GRIK1: variants seen among roughly 807,000 people sequenced by gnomAD.
The protein encoded by GRIK1 is glutamate ionotropic receptor kainate type subunit 1.
GRIK1 carries 69 observed loss-of-function variants against 105.7 expected under a neutral mutation model. That is an observed-to-expected ratio of 0.65 (90% confidence interval 0.54 to 0.80). The LOEUF is 0.80. GRIK1 is among the 30% of genes least tolerant of loss of function. The pLI is 0.00. For synonymous variants in GRIK1, 438 were observed against 431.3 expected, an observed-to-expected ratio of 1.02 and a Z score of -0.19; for missense variants, 1,109 against 1,167.3, an observed-to-expected ratio of 0.95 and a Z score of 0.73.
chr21:29,742,737 A>G (rs1190957416), intron 1 of GRIK1, among the ~76,000 whole-genome samples: 2 of 152,228 alleles, frequency 1.3e-5, no homozygotes, highest in Admixed American at 1.3e-4. Flanking sequence ...TAGTACTTGT[A>G]TGGTTTCATG....
At chr21:29,843,900 C>A (rs558697098) in intron 1 of GRIK1, among the ~76,000 whole-genome samples, 1 of 152,268 alleles carries the variant, frequency 6.6e-6, no homozygotes, top group South Asian at 2.1e-4. Flanking sequence ...CTGGTTCAGT[C>A]CCCACAGACT....
intron 7 of GRIK1, among the ~76,000 whole-genome samples, chr21:29,608,509 CT>C (rs1176095835): frequency 2.6e-5 from 4 of 152,196 alleles, no homozygotes; most frequent in South Asian, 2.1e-4. Flanking sequence ...TTTTGTGAAT[CT>C]TTTTTTCTGC....
chr21:29,676,729 G>A (rs558824061), intron 3 of GRIK1, among the ~76,000 whole-genome samples: 1 of 152,064 alleles, frequency 6.6e-6, no homozygotes, highest in Admixed American at 6.5e-5. Flanking sequence ...AGGCAAGAGA[G>A]AACCAGACAA....
chr21:29,831,167 A>G (rs563634619), intron 1 of GRIK1, among the ~76,000 whole-genome samples: 1 of 152,334 alleles, frequency 6.6e-6, no homozygotes, highest in Admixed American at 6.5e-5. Context: ...GCTAGAGACA[A>G]ATGTTTGTGC....
At chr21:29,635,936 A>G (rs1490293285) in intron 7 of GRIK1, among the ~76,000 whole-genome samples, 1 of 152,212 alleles carries the variant, frequency 6.6e-6, no homozygotes, top group African/African-American at 2.4e-5. Context: ...ACAGGAACTC[A>G]TAGAGTCAAA....
At chr21:29,629,497 C>T (rs13052077) in intron 7 of GRIK1, among the ~76,000 whole-genome samples, 74,972 of 147,814 alleles carry the variant, frequency 0.51, 21,346 homozygotes, top group African/African-American at 0.8. Context: ...TTCTTTCTTT[C>T]TTTTTTTTTT....
At chr21:29,632,590 A>G (rs1365168628) in intron 7 of GRIK1, among the ~76,000 whole-genome samples, 3 of 152,244 alleles carry the variant, frequency 2.0e-5, no homozygotes, top group Non-Finnish European at 2.9e-5. Flanking sequence ...GTATATATAT[A>G]TGTGTAAAAT....
At chr21:29,583,101 A>T (rs771364435) in intron 12 of GRIK1, among the ~76,000 whole-genome samples, 29 of 152,136 alleles carry the variant, frequency 1.9e-4, no homozygotes, top group Non-Finnish European at 3.7e-4. Context: ...CTCGTAGTTT[A>T]TGCCAGCATA....
intron 1 of GRIK1, among the ~76,000 whole-genome samples, chr21:29,836,586 A>T (rs547723672): frequency 5.3e-5 from 8 of 152,218 alleles, no homozygotes; most frequent in African/African-American, 1.9e-4. Flanking sequence ...CCTGTGAATT[A>T]TAAGTTTATA....
intron 1 of GRIK1, among the ~76,000 whole-genome samples, chr21:29,863,850 C>T (rs2832456): frequency 0.073 from 11,138 of 152,100 alleles, 420 homozygotes; most frequent in African/African-American, 0.11. Flanking sequence ...CACATTCTTC[C>T]CCTTCAGTCA....
intron 1 of GRIK1, among the ~76,000 whole-genome samples, chr21:29,739,079 C>T (rs2064864885): frequency 6.6e-6 from 1 of 152,018 alleles, no homozygotes. Flanking sequence ...CTAGTTGCTG[C>T]CTTCATGAAA....
intron 1 of GRIK1, among the ~76,000 whole-genome samples, chr21:29,725,973 G>A (rs540092687): frequency 1.1e-4 from 17 of 152,164 alleles, no homozygotes; most frequent in Admixed American, 7.2e-4. Context: ...TTTTCAAAAG[G>A]GATTTTAATG....
chr21:29,786,021 C>T (rs2145800021), intron 1 of GRIK1, among the ~76,000 whole-genome samples: 1 of 152,330 alleles, frequency 6.6e-6, no homozygotes, highest in African/African-American at 2.4e-5. Flanking sequence ...GACGGAGTCT[C>T]GCTCTGTCAC....
intron 5 of GRIK1, among the ~76,000 whole-genome samples, chr21:29,652,133 ATATT>A (rs1483572616): frequency 2.0e-5 from 3 of 152,152 alleles, no homozygotes; most frequent in South Asian, 2.1e-4. Context: ...ATTTTGAAGA[ATATT>A]TATTTCCATT....
intron 1 of GRIK1, among the ~76,000 whole-genome samples, chr21:29,877,347 G>T (rs944042241): frequency 2.6e-5 from 4 of 152,026 alleles, no homozygotes; most frequent in African/African-American, 9.7e-5. Context: ...GATTAATGAG[G>T]AAATGTTTCA....
At position 29,867,059 on chromosome 21, in the gene GRIK1, GA is replaced by G. The variant is rs369547183; in HGVS notation, c.118+72323del. ...AATAAATTACATACAAAACATTTGG[GA>G]ACAAAAAGTCTAATGACATTTTTAG... On this transcript the variant is annotated intron_variant, in intron 1 of 17. Transcript: ENST00000327783. 2.6e-4 allele frequency among the ~76,000 whole-genome samples: 39 copies of G among 152,192 alleles called. No homozygotes were observed. The Middle Eastern group carries it at 0.01, about 40-fold the overall frequency.
intron 15 of GRIK1, among the ~76,000 whole-genome samples, chr21:29,560,387 T>A (rs1201972955): frequency 2.4e-5 from 2 of 84,120 alleles, no homozygotes; most frequent in African/African-American, 5.9e-5. Flanking sequence ...CTTCCTTCCT[T>A]CCTTCCTTCC....
intron 1 of GRIK1, among the ~76,000 whole-genome samples, chr21:29,860,036 G>C (rs1365466901): frequency 6.6e-6 from 1 of 152,198 alleles, no homozygotes; most frequent in Non-Finnish European, 1.5e-5. Context: ...AAGGAAGAAA[G>C]TGCAGGGCAT....
chr21:29,901,567 C>T (rs1264678950), intron 1 of GRIK1, among the ~76,000 whole-genome samples: 1 of 152,102 alleles, frequency 6.6e-6, no homozygotes, highest in Non-Finnish European at 1.5e-5. Context: ...AATTCCTGGA[C>T]ACATACACCC....
Sources: gnomAD v4.1 joint callset for allele counts (sites outside exome capture counted in the v4.1 genomes callset) on GRCh38, gnomAD v4.1.1 for gene constraint, MANE v1.5 for transcripts, NCBI Gene and HGNC (gene_info 2026-07-23, HGNC 2026-07-21) for gene names.